ATP8A1: variants seen among roughly 807,000 people sequenced by gnomAD.
The protein encoded by ATP8A1 is ATPase phospholipid transporting 8A1.
A neutral mutation model predicts 177.7 loss-of-function variants in ATP8A1; 90 were observed. The observed-to-expected ratio is 0.51, with a 90% CI of 0.43 to 0.60. ATP8A1 has a LOEUF of 0.60. ATP8A1 is among the 20% of genes least tolerant of loss of function. The probability of loss-of-function intolerance (pLI) is 0.00; values close to 1 mark genes in which losing one functional copy is unlikely to be tolerated. For missense variants in ATP8A1, 1,072 were observed against 1,392.8 expected (o/e 0.77, Z 3.67); for synonymous variants, 493 against 485.9 (o/e 1.01, Z -0.19).
At chr4:42,539,836 T>A (rs563590996) in intron 20 of ATP8A1, among the ~76,000 whole-genome samples, 43 of 152,112 alleles carry the variant, frequency 2.8e-4, no homozygotes, top group African/African-American at 1.0e-3. Context: ...GACTCAAACT[T>A]TTAAAAATAC....
At chr4:42,597,049 G>A (rs944602059) in intron 6 of ATP8A1, among the ~76,000 whole-genome samples, 2 of 152,158 alleles carry the variant, frequency 1.3e-5, no homozygotes, top group Admixed American at 1.3e-4. Context: ...GGCAGTAACT[G>A]GAGAGATAAA....
Position 42,497,800 on chromosome 4 carries a change from T to G in ATP8A1, c.2151+5650A>C, listed in dbSNP as rs747958950. Among the ~76,000 whole-genome samples, 86 of 152,380 alleles carry G rather than the reference T, an allele frequency of 5.6e-4. 1 individual carries two copies. The Middle Eastern group carries it at 0.017, about 30-fold the overall frequency. On this transcript the variant is annotated intron_variant, in intron 24 of 36. Coordinates refer to ENST00000381668, the MANE Select transcript of ATP8A1 (RefSeq NM_006095.2). Reference sequence around the variant, plus strand: ...ATATGTTATTTTCATTTTTTGGTAATGTTTACACTTTTTACTAACCCATTT... The same window carrying G: ...ATATGTTATTTTCATTTTTTGGTAAGGTTTACACTTTTTACTAACCCATTT...
At chr4:42,587,297 CTTCTT>C (rs201071667) in intron 8 of ATP8A1, among the ~76,000 whole-genome samples, 74 of 150,152 alleles carry the variant, frequency 4.9e-4, no homozygotes, top group African/African-American at 1.1e-3. Context: ...TGTTGTACAG[CTTCTT>C]TTCTTTTCTT....
chr4:42,605,460 G>A (rs530658225), intron 5 of ATP8A1, among the ~76,000 whole-genome samples: 1 of 152,242 alleles, frequency 6.6e-6, no homozygotes, highest in East Asian at 1.9e-4. Flanking sequence ...CCACTTTGTT[G>A]GGTGCCATTT....
intron 1 of ATP8A1, among the ~76,000 whole-genome samples, chr4:42,633,798 ATAG>A (rs1171085011): frequency 1.4e-5 from 2 of 146,368 alleles, no homozygotes; most frequent in Non-Finnish European, 3.0e-5. Flanking sequence ...TGATGCTACT[ATAG>A]CTGCTGCTAT....
chr4:42,631,900 TG>T (rs1738776841), intron 1 of ATP8A1, among the ~76,000 whole-genome samples: 1 of 152,168 alleles, frequency 6.6e-6, no homozygotes. Flanking sequence ...CATCTCAAAA[TG>T]GCCCACAAGT....
rs190289643 is a variant in ATP8A1 at position 42,475,681 on chromosome 4, G to A, written c.2324+9815C>T. Among the ~76,000 whole-genome samples the A allele has an allele frequency of 1.8e-3, 271 of 152,108 alleles. 2 individuals are homozygous for A. The highest frequency in any genetic ancestry group is 5.2e-3 in the South Asian group (25 of 4,808). ...CAAACATTTGAATAATAGGTGCCAC[G>A]TATTAGCTCATTTATTCTTCATAAC... On this transcript the variant is annotated intron_variant, in intron 25 of 36. Transcript: ENST00000381668.
chr4:42,512,878 G>T (rs1372426841), intron 22 of ATP8A1, among the ~76,000 whole-genome samples: 1 of 152,176 alleles, frequency 6.6e-6, no homozygotes, highest in East Asian at 1.9e-4. Flanking sequence ...CTAGAGCAGG[G>T]CTGACTAGCT....
intron 15 of ATP8A1, among the ~76,000 whole-genome samples, chr4:42,562,883 A>G (rs1259639134): frequency 6.6e-6 from 1 of 152,220 alleles, no homozygotes; most frequent in Non-Finnish European, 1.5e-5. Flanking sequence ...AGGCTTACCC[A>G]GCCACGTGGA....
In ATP8A1 at chr4:42,649,923, C is replaced by T. The variant is rs553364850; in HGVS notation, c.49+6902G>A. Among the ~76,000 whole-genome samples, 7 of 152,270 alleles carry T rather than the reference C, an allele frequency of 4.6e-5. No homozygotes were observed. The East Asian group carries it at 9.6e-4, about 21-fold the overall frequency. ...ATATCAGTGGACAAACCAGACAAAA[C>T]CCCCTGCCCTTAGGGAGCTTACTAC... On this transcript the variant is annotated intron_variant, in intron 1 of 36. Coordinates refer to ENST00000381668, the MANE Select transcript of ATP8A1 (RefSeq NM_006095.2).
chr4:42,452,491 T>C (rs1718034930), intron 29 of ATP8A1, among the ~76,000 whole-genome samples: 1 of 152,192 alleles, frequency 6.6e-6, no homozygotes, highest in Non-Finnish European at 1.5e-5. Context: ...GATGTAATGC[T>C]TTCTCTTATC....
intron 22 of ATP8A1, among the ~76,000 whole-genome samples, chr4:42,508,200 T>A (rs989344952): frequency 6.6e-6 from 1 of 152,220 alleles, no homozygotes; most frequent in African/African-American, 2.4e-5. Context: ...TGGTGCCATC[T>A]TGGCTCACCA....
chr4:42,529,831 C>A (rs560728334), intron 20 of ATP8A1, among the ~76,000 whole-genome samples: 1 of 152,280 alleles, frequency 6.6e-6, no homozygotes, highest in East Asian at 1.9e-4. Context: ...GCTGGTTGTG[C>A]ACTTTGCATG....
At chr4:42,536,806 T>TAA (rs1727872273) in intron 20 of ATP8A1, among the ~76,000 whole-genome samples, 1 of 152,140 alleles carries the variant, frequency 6.6e-6, no homozygotes. Flanking sequence ...AGTCAATAAA[T>TAA]GTGACACACC....
At chr4:42,634,182 T>G (rs1485883083) in intron 1 of ATP8A1, among the ~76,000 whole-genome samples, 2 of 152,208 alleles carry the variant, frequency 1.3e-5, no homozygotes, top group African/African-American at 4.8e-5. Flanking sequence ...GCATACATTA[T>G]ACTCTGGAGG....
At chr4:42,428,264 C>A (rs1033186901) in intron 33 of ATP8A1, among the ~76,000 whole-genome samples, 1 of 152,236 alleles carries the variant, frequency 6.6e-6, no homozygotes, top group Admixed American at 6.5e-5. Context: ...ACTTGAAGCA[C>A]AGGCTAGACT....
At chr4:42,555,147 T>TATCTA (rs1553903413) in intron 16 of ATP8A1, among the ~76,000 whole-genome samples, 1 of 74,490 alleles carries the variant, frequency 1.3e-5, no homozygotes, top group Non-Finnish European at 2.9e-5. Context: ...CTAATCTATC[T>TATCTA]ATCTATCTAT....
chr4:42,467,898 A>G (rs73235576), intron 25 of ATP8A1, among the ~76,000 whole-genome samples: 2,948 of 152,076 alleles, frequency 0.019, 32 homozygotes, highest in Non-Finnish European at 0.032. Flanking sequence ...GACTCTGGAT[A>G]TTTGTTCTTT....
intron 15 of ATP8A1, among the ~76,000 whole-genome samples, chr4:42,565,677 A>C (rs1347360503): frequency 1.3e-5 from 2 of 152,242 alleles, no homozygotes; most frequent in African/African-American, 4.8e-5. Context: ...ATTTGCTTCA[A>C]AATGATAGTG....
Sources: gnomAD v4.1 joint callset for allele counts (sites outside exome capture counted in the v4.1 genomes callset) on GRCh38, gnomAD v4.1.1 for gene constraint, MANE v1.5 for transcripts, NCBI Gene and HGNC (gene_info 2026-07-23, HGNC 2026-07-21) for gene names.